The following LRP2 variants were observed in gnomAD, a reference collection of about 807,000 sequenced individuals.
LRP2 encodes the protein low-density lipoprotein receptor-related protein 2.
Under a neutral mutation model 531.0 loss-of-function variants are expected in LRP2, and 172 were observed. That is an observed-to-expected ratio of 0.32 (90% CI 0.29 to 0.37). The LOEUF is 0.37. LRP2 is among the 10% of genes least tolerant of loss of function. LRP2 has a pLI of 1.00. For synonymous variants in LRP2, 1,992 were observed against 2,027.6 expected (o/e 0.98, Z 0.47); for missense variants, 5,167 against 5,868.3 (o/e 0.88, Z 3.90).
rs1244798825 is a variant in LRP2, at chr2:169,145,856, T to C, written c.12879A>G (p.Glu4293=). ...GCCCAAATTTATTTTGTTTCCATACTTCTCCCTTTTCCTTAGATATCCAGT... is the reference window on the plus strand; with the variant it reads ...GCCCAAATTTATTTTGTTTCCATACCTCTCCCTTTTCCTTAGATATCCAGT... ...QLYWISKEKG[E]VWKQNKFGQG... The change falls in exon 70 of 79, where the codon GAA becomes GAG. Residue 4293 remains glutamate (E), a synonymous_variant. Transcript: ENST00000649046. The C allele has an allele frequency of 6.2e-7, 1 of 1,614,122 alleles. No individual in the cohort carries two copies. The highest frequency in any genetic ancestry group is 8.5e-7 in the Non-Finnish European group (1 of 1,179,974).
At chr2:169,299,697 G>T (rs1269011829) in intron 4 of LRP2, among the ~76,000 whole-genome samples, 1 of 152,004 alleles carries the variant, frequency 6.6e-6, no homozygotes, top group African/African-American at 2.4e-5. Flanking sequence ...AGTGGCACGG[G>T]GCTACATGTT....
intron 38 of LRP2, among the ~76,000 whole-genome samples, chr2:169,208,143 A>T (rs1482218342): frequency 6.6e-6 from 1 of 152,198 alleles, no homozygotes. Flanking sequence ...TGCAGAGCAT[A>T]TGGTTTCACA....
At chr2:169,187,855 A>G in intron 49 of LRP2, 115 bp downstream of exon 49, 4 of 1,163,364 alleles carry the variant, frequency 3.4e-6, no homozygotes, top group Non-Finnish European at 5.2e-6. Flanking sequence ...AGGAATAGTG[A>G]TTTTATGGTA....
chr2:169,180,149 T>C (rs976386073), intron 52 of LRP2, among the ~76,000 whole-genome samples: 3 of 152,198 alleles, frequency 2.0e-5, no homozygotes, highest in African/African-American at 7.2e-5. Context: ...AAGAATAATC[T>C]ATAGGACCCA....
chr2:169,288,761 ACCGCCCTC>A, intron 9 of LRP2, among the ~76,000 whole-genome samples: 1 of 152,152 alleles, frequency 6.6e-6, no homozygotes, highest in African/African-American at 2.4e-5. Flanking sequence ...GAAAAGGACT[ACCGCCCTC>A]ATCAAGTAAT....
rs1347723790 is a variant in LRP2 at position 169,202,835 on chromosome 2, C to T, written c.8130G>A (p.Gly2710=). 1.2e-6 allele frequency: 2 copies of T among 1,614,198 alleles called. No individual in the cohort carries two copies. The highest frequency in any genetic ancestry group is 1.7e-6 in the Non-Finnish European group (2 of 1,180,032). ...CGASSFTCSN[G]RCISEEWKCD... The stretch of plus-strand genomic sequence containing the variant: ...ACTTCCACTCTTCCGAGATGCAGCG[C>T]CCATTGGAGCAGGTGAAGGAAGATG... Residue 2710 remains glycine (G), a synonymous_variant, in exon 43 of 79, where the codon GGG becomes GGA. Transcript: ENST00000649046.
chr2:169,173,302 T>C lies in LRP2; in HGVS notation c.11015-78A>G, dbSNP rs776385810. The C allele has an allele frequency of 1.7e-5, 26 of 1,555,532 alleles. No homozygotes were observed. In the South Asian group the frequency reaches 1.9e-4, roughly 12 times the overall value. On this transcript the variant is annotated intron_variant, in intron 56 of 78. Transcript: ENST00000649046. ...TTCCATTGTCACATTGAGGTTGTGG[T>C]ACTGAGGAATAACAATGACCATGTT...
chr2:169,195,273 A>G (rs1212143103), intron 46 of LRP2, among the ~76,000 whole-genome samples: 1 of 152,230 alleles, frequency 6.6e-6, no homozygotes, highest in Non-Finnish European at 1.5e-5. Context: ...TAAGCTTAAA[A>G]AATAAAAGCT....
Position 169,206,695 on chromosome 2 carries a change from T to A in LRP2, c.7025A>T (p.Asn2342Ile). Residue 2342 changes from asparagine (N) to isoleucine (I), a missense_variant, in exon 39 of 79, where the codon AAC (asparagine) becomes ATC (isoleucine). Physicochemically the swap from Asn to Ile is moderately radical, Grantham distance 149. Transcript: ENST00000649046. Reference sequence around the variant, plus strand: ...ATTGTTTTCCAAGCAAGGGTTGTTGTTGACCTCTGCTGGTGACCGGGGCTG... The same window carrying A: ...ATTGTTTTCCAAGCAAGGGTTGTTGATGACCTCTGCTGGTGACCGGGGCTG... ...QVQPRSPAEVNNNPCLENNGG... is the reference protein window; with the variant it reads ...QVQPRSPAEVINNPCLENNGG... The A allele has an allele frequency of 6.2e-7, 1 of 1,614,196 alleles. No individual in the cohort carries two copies. Among genetic ancestry groups the A allele is most frequent in the Non-Finnish European group, 8.5e-7 (1 of 1,180,028 alleles).
intron 60 of LRP2, among the ~76,000 whole-genome samples, chr2:169,169,390 A>G (rs750192223): frequency 2.8e-4 from 43 of 152,366 alleles, no homozygotes; most frequent in Non-Finnish European, 5.3e-4. Flanking sequence ...CGTTGCTTGA[A>G]TATTTTTTTA....
chr2:169,274,743 T>C (rs1683508028), intron 14 of LRP2, among the ~76,000 whole-genome samples: 1 of 152,172 alleles, frequency 6.6e-6, no homozygotes. Context: ...TTGGTTTGGT[T>C]TGTGAGCTGC....
rs10548576 is a variant in LRP2 at position 169,297,972 on chromosome 2, A to AACACACACAC, written c.428-3272_428-3263dup. ...TAGGAAACTTAAGCCAAGATTGGGA[A>AACACACACAC]ACACACACACACACACACACACAAG... is the stretch of plus-strand genomic sequence containing the variant. On this transcript the variant is annotated intron_variant, in intron 4 of 78. Transcript: ENST00000649046. 1.0e-2 allele frequency among the ~76,000 whole-genome samples: 1,498 copies of AACACACACAC among 150,038 alleles called. 32 individuals are homozygous for AACACACACAC. Among genetic ancestry groups the AACACACACAC allele is most frequent in the African/African-American group, 0.034 (1,409 of 40,900 alleles).
intron 1 of LRP2, among the ~76,000 whole-genome samples, chr2:169,329,698 T>C: frequency 6.6e-6 from 1 of 152,218 alleles, no homozygotes; most frequent in East Asian, 1.9e-4. Context: ...GTGAGCAGGC[T>C]GGTAGGTGCA....
At chr2:169,131,736 A>T (rs1685298009) in intron 77 of LRP2, among the ~76,000 whole-genome samples, 1 of 152,224 alleles carries the variant, frequency 6.6e-6, no homozygotes, top group African/African-American at 2.4e-5. Flanking sequence ...ACAGTTTTGT[A>T]GCACAAAGAA....
In LRP2 at chr2:169,273,075, G is replaced by GA; in HGVS notation, c.1976-9dup. On this transcript the variant is annotated splice_polypyrimidine_tract_variant and intron_variant, in intron 14 of 78. Transcript: ENST00000649046. The stretch of plus-strand genomic sequence containing the variant: ...CTTTACACGGATTGGTAGCTGGAAG[G>GA]AAAAATGCACAGGGTTAAATTGCAA... The GA allele has an allele frequency of 2.5e-6, 4 of 1,613,390 alleles. No homozygotes were observed. The highest frequency in any genetic ancestry group is 3.4e-6 in the Non-Finnish European group (4 of 1,179,562).
intron 12 of LRP2, 112 bp downstream of exon 12, chr2:169,279,260 A>C: frequency 2.5e-6 from 2 of 800,112 alleles, no homozygotes; most frequent in South Asian, 2.9e-5. Context: ...TAGAGTATAC[A>C]GCCTAAAAGA....
At chr2:169,186,650 T>G (rs1217966183) in intron 49 of LRP2, among the ~76,000 whole-genome samples, 3 of 152,238 alleles carry the variant, frequency 2.0e-5, no homozygotes, top group Non-Finnish European at 4.4e-5. Context: ...ACTAGTTCAC[T>G]GTGCACCCCC....
intron 34 of LRP2, among the ~76,000 whole-genome samples, chr2:169,219,811 T>C (rs1218242776): frequency 7.0e-6 from 1 of 143,474 alleles, no homozygotes; most frequent in Non-Finnish European, 1.5e-5. Context: ...AAAATAAAAG[T>C]TGAAATTTTT....
chr2:169,360,846 G>A (rs1459883360), intron 1 of LRP2, among the ~76,000 whole-genome samples: 2 of 152,192 alleles, frequency 1.3e-5, no homozygotes, highest in Non-Finnish European at 2.9e-5. Context: ...GGTGCTGCTA[G>A]GAGTTGCTGT....
Sources: allele counts gnomAD v4.1 joint callset (sites outside exome capture counted in the v4.1 genomes callset), GRCh38; gene constraint gnomAD v4.1.1; transcripts MANE v1.5; gene names NCBI Gene and HGNC (gene_info 2026-07-23, HGNC 2026-07-21).